The following ASXL2 variants were observed in gnomAD, a reference collection of about 807,000 sequenced individuals.
The protein encoded by ASXL2 is ASXL transcriptional regulator 2.
In ASXL2, 23 loss-of-function variants were observed where a neutral mutation model predicts 122.0. The ratio of observed to expected loss-of-function variants is 0.19; its 90% CI spans 0.14 to 0.27. The LOEUF is 0.27. Ranked by LOEUF, ASXL2 falls within the 10% of genes least tolerant of loss-of-function variation. The pLI is 1.00. For missense variants in ASXL2, 1,518 were observed against 1,713.8 expected (o/e 0.89, Z 2.02); for synonymous variants, 650 against 637.0 (o/e 1.02, Z -0.31).
chr2:25,770,359 C>T (rs1324315546), intron 6 of ASXL2, among the ~76,000 whole-genome samples: 1 of 152,166 alleles, frequency 6.6e-6, no homozygotes, highest in African/African-American at 2.4e-5. Context: ...CAGGAGGTCT[C>T]TGAACTCCTG....
At chr2:25,862,918 T>C (rs967020629) in intron 1 of ASXL2, among the ~76,000 whole-genome samples, 12 of 152,084 alleles carry the variant, frequency 7.9e-5, no homozygotes, top group Non-Finnish European at 1.5e-4. Flanking sequence ...AACGTAAGAT[T>C]TTTAGAAGAC....
intron 5 of ASXL2, among the ~76,000 whole-genome samples, chr2:25,790,625 A>G (rs1229092664): frequency 2.0e-5 from 3 of 152,054 alleles, no homozygotes; most frequent in Non-Finnish European, 4.4e-5. Context: ...CCTACAACAA[A>G]TGGTTTTCAA....
rs967968717 is a variant in ASXL2, at chr2:25,783,149, A to T, written c.404-11609T>A. Among the ~76,000 whole-genome samples, 9 of 152,152 alleles carry T rather than the reference A, an allele frequency of 5.9e-5. No individual in the cohort carries two copies. The East Asian group carries it at 1.4e-3, about 23-fold the overall frequency. On this transcript the variant is annotated intron_variant, in intron 5 of 12. Coordinates refer to ENST00000435504, the MANE Select transcript of ASXL2 (RefSeq NM_018263.6). ...GTCTCAAAATAAATAAATAAATAAA[A>T]ATTAAAAAATAAAAATATGATTGAA...
Position 25,826,360 on chromosome 2 carries a change from C to G in ASXL2, c.143+9178G>C, listed in dbSNP as rs372949906. On this transcript the variant is annotated intron_variant, in intron 3 of 12. Coordinates refer to ENST00000435504, the MANE Select transcript of ASXL2 (RefSeq NM_018263.6). ...TACTCCTTTCCAGATTATTTTTGGTCTCCTCACTGGCATTCCATGCTGCAC... is the reference window on the plus strand; with the variant it reads ...TACTCCTTTCCAGATTATTTTTGGTGTCCTCACTGGCATTCCATGCTGCAC... 3.5e-4 allele frequency among the ~76,000 whole-genome samples: 53 copies of G among 152,218 alleles called. 1 individual carries two copies. In the South Asian group the frequency reaches 0.01, roughly 30 times the overall value.
At chr2:25,845,341 T>C (rs1175724805) in intron 2 of ASXL2, 140 bp downstream of exon 2, 3 of 1,361,950 alleles carry the variant, frequency 2.2e-6, no homozygotes, top group Admixed American at 2.0e-5. Flanking sequence ...ACTTAAAAAA[T>C]GCCAAAGATC....
At chr2:25,754,844 G>A (rs1026145668) in intron 10 of ASXL2, among the ~76,000 whole-genome samples, 7 of 151,902 alleles carry the variant, frequency 4.6e-5, no homozygotes, top group African/African-American at 1.7e-4. Flanking sequence ...AAAAAAAAGG[G>A]GTCTCTGCCC....
chr2:25,743,141 T>A lies in ASXL2; in HGVS notation c.3196A>T (p.Ile1066Phe), dbSNP rs2087865443. The change falls in exon 13 of 13, where the codon ATC (isoleucine) becomes TTC (phenylalanine). Residue 1066 changes from isoleucine to phenylalanine, a missense_variant. By Grantham distance (21) the Ile-to-Phe change is conservative. Coordinates refer to ENST00000435504, the MANE Select transcript of ASXL2 (RefSeq NM_018263.6). ...EGLSKATQDQ[I>F]LQTLIQRVRR... ...ACCCTCTGAATGAGAGTCTGAAGGA[T>A]CTGATCTTGGGTTGCTTTACTTAGT... is the stretch of plus-strand genomic sequence containing the variant. The A allele has an allele frequency of 1.2e-6, 2 of 1,613,846 alleles. No homozygotes were observed.
chr2:25,735,075 A>C lies in ASXL2; in HGVS notation c.*6954T>G, dbSNP rs184761323. ...AAGCACGAAAAGCAAGGTTGCAGTTACTTTTCAGGAAAACCCACTATTTAG... is the reference window on the plus strand; with the variant it reads ...AAGCACGAAAAGCAAGGTTGCAGTTCCTTTTCAGGAAAACCCACTATTTAG... On this transcript the variant is annotated 3_prime_UTR_variant, in exon 13 of 13. Coordinates refer to ENST00000435504, the MANE Select transcript of ASXL2 (RefSeq NM_018263.6). 2 of 152,336 alleles carry C rather than the reference A, an allele frequency of 1.3e-5. No homozygotes were observed. Among genetic ancestry groups the C allele is most frequent in the East Asian group, 3.9e-4 (2 of 5,188 alleles). The allele number at this position is 152,336 out of a possible 1,614,324, so 9.4% of individuals were successfully genotyped here. A position where few individuals can be genotyped will look rare whatever the true frequency, so the allele number is the denominator to read the frequency against.
chr2:25,878,350 G>C lies in ASXL2; in HGVS notation c.-128C>G, dbSNP rs1308862320. 2.1e-6 allele frequency: 2 copies of C among 957,724 alleles called. No homozygotes were observed. Among genetic ancestry groups the C allele is most frequent in the Admixed American group, 2.1e-5 (1 of 46,656 alleles). 59.3% of individuals were successfully genotyped at this position (957,724 alleles called of 1,614,324 possible). On this transcript the variant is annotated 5_prime_UTR_variant, in exon 1 of 13. Coordinates refer to ENST00000435504, the MANE Select transcript of ASXL2 (RefSeq NM_018263.6). ...GGAGAAAAGGGAAGTCAGACCGGGG[G>C]GGCACCCAAGCAGAGGAAGCGGCGG...
chr2:25,794,173 G>C (rs1017155961), intron 5 of ASXL2, among the ~76,000 whole-genome samples: 1 of 152,178 alleles, frequency 6.6e-6, no homozygotes, highest in Non-Finnish European at 1.5e-5. Context: ...CTGATTTAAA[G>C]TAGTTCTGAA....
chr2:25,795,789 TAAAA>T (rs555543324), intron 5 of ASXL2, among the ~76,000 whole-genome samples: 8 of 151,088 alleles, frequency 5.3e-5, no homozygotes, highest in Non-Finnish European at 7.4e-5. Flanking sequence ...AAAATTAAAA[TAAAA>T]AAAAATAAAA....
intron 2 of ASXL2, among the ~76,000 whole-genome samples, chr2:25,837,622 T>C (rs1211500363): frequency 3.3e-5 from 5 of 151,536 alleles, no homozygotes; most frequent in Admixed American, 2.0e-4. Flanking sequence ...GAGGCCAAGG[T>C]GGGAGGATCC....
At chr2:25,851,508 T>C (rs2089715523) in intron 1 of ASXL2, among the ~76,000 whole-genome samples, 1 of 152,210 alleles carries the variant, frequency 6.6e-6, no homozygotes, top group Non-Finnish European at 1.5e-5. Flanking sequence ...CACTATTGAT[T>C]TTCCATTAAA....
intron 3 of ASXL2, among the ~76,000 whole-genome samples, chr2:25,829,449 A>C (rs2089422756): frequency 6.6e-6 from 1 of 152,254 alleles, no homozygotes; most frequent in South Asian, 2.1e-4. Flanking sequence ...TCAATTAAGT[A>C]AACCAAAAGA....
intron 5 of ASXL2, among the ~76,000 whole-genome samples, chr2:25,787,641 T>G (rs1160409963): frequency 6.6e-6 from 1 of 152,146 alleles, no homozygotes; most frequent in African/African-American, 2.4e-5. Context: ...TAAAAAAAGT[T>G]AAAGCCATTC....
intron 4 of ASXL2, among the ~76,000 whole-genome samples, chr2:25,803,647 C>T (rs565421025): frequency 2.0e-5 from 3 of 152,172 alleles, no homozygotes; most frequent in Non-Finnish European, 4.4e-5. Flanking sequence ...TGAAACTGTT[C>T]CACCTCAGAT....
chr2:25,743,126 T>A lies in ASXL2; in HGVS notation c.3211A>T (p.Ile1071Phe). The change falls in exon 13 of 13, where the codon ATT becomes TTT. Residue 1071 changes from isoleucine to phenylalanine, a missense_variant. Ile to Phe is a conservative substitution (Grantham distance 21). Around this residue, in one of 8 missense-constraint regions of ASXL2, gnomAD observed 831 missense variants for 833.1 expected, o/e 1.00. Coordinates refer to ENST00000435504, the MANE Select transcript of ASXL2 (RefSeq NM_018263.6). ...ATQDQILQTL[I>F]QRVRRQNLLS... Reference sequence around the variant, plus strand: ...AGATTCTGCCTCCGAACCCTCTGAATGAGAGTCTGAAGGATCTGATCTTGG... The same window carrying A: ...AGATTCTGCCTCCGAACCCTCTGAAAGAGAGTCTGAAGGATCTGATCTTGG... The A allele has an allele frequency of 6.2e-7, 1 of 1,613,954 alleles. No homozygotes were observed. Among genetic ancestry groups the A allele is most frequent in the East Asian group, 2.2e-5 (1 of 44,882 alleles).
intron 5 of ASXL2, among the ~76,000 whole-genome samples, chr2:25,786,374 G>A (rs1456891009): frequency 6.6e-6 from 1 of 151,396 alleles, no homozygotes; most frequent in Non-Finnish European, 1.5e-5. Context: ...CCAGGTAGCT[G>A]GGACTACAGG....
At chr2:25,800,778 T>C (rs1559514969) in intron 4 of ASXL2, among the ~76,000 whole-genome samples, 1 of 152,234 alleles carries the variant, frequency 6.6e-6, no homozygotes, top group Non-Finnish European at 1.5e-5. Flanking sequence ...AAAAGATCAT[T>C]CTTCAATTAG....
Sources: gnomAD v4.1 joint callset for allele counts (sites outside exome capture counted in the v4.1 genomes callset) on GRCh38, gnomAD v4.1.1 for gene constraint, gnomAD v4.1.1 regional missense constraint, MANE v1.5 for transcripts, NCBI Gene and HGNC (gene_info 2026-07-23, HGNC 2026-07-21) for gene names.